CDH3: variants seen among roughly 807,000 people sequenced by gnomAD.
CDH3 encodes the protein cadherin-3.
A neutral mutation model predicts 82.0 loss-of-function variants in CDH3; 54 were observed. The ratio of observed to expected loss-of-function variants is 0.66; its 90% CI spans 0.53 to 0.83. CDH3 has a LOEUF of 0.83. Ranked by LOEUF, CDH3 falls within the 40% of genes least tolerant of loss-of-function variation. The probability of loss-of-function intolerance (pLI) is 0.00; values close to 1 mark genes in which losing one functional copy is unlikely to be tolerated. For synonymous variants in CDH3, 446 were observed against 437.9 expected (o/e 1.02, Z -0.23); for missense variants, 1,054 against 1,084.6 (o/e 0.97, Z 0.40).
rs780814811 is a variant in CDH3, at chr16:68,695,748, G to A, written c.2134-29G>A. ...GGGGAGTGGGGGACAGGAGTCCTCA[G>A]TCACCTGCTCTCCTGCATTTCCCCA... On this transcript the variant is annotated intron_variant, in intron 14 of 15. Transcript: ENST00000264012. 6.8e-6 allele frequency: 11 copies of A among 1,613,564 alleles called. No individual in the cohort carries two copies. The East Asian group carries it at 2.5e-4, about 36-fold the overall frequency.
At chr16:68,733,170 G>T in the CDH3 span, among the ~76,000 whole-genome samples, 1 of 152,194 alleles carries the variant, frequency 6.6e-6, no homozygotes, top group Non-Finnish European at 1.5e-5. Context: ...TCAACTAATG[G>T]CAGAGCCAGA....
At chr16:68,731,711 C>T (rs942098608), downstream of CDH3, among the ~76,000 whole-genome samples, 4 of 151,476 alleles carry the variant, frequency 2.6e-5, no homozygotes, top group African/African-American at 9.7e-5. Context: ...GTGGCTCATG[C>T]CTGCCTTCTC....
chr16:68,703,609 C>T (rs12920562), downstream of CDH3, among the ~76,000 whole-genome samples: 38,552 of 152,182 alleles, frequency 0.25, 4,975 homozygotes, highest in Admixed American at 0.29. Context: ...GCATGAGGCC[C>T]TGGACAAACC....
At chr16:68,724,643 A>G (rs1414205855) in intron 2 of CDH3, among the ~76,000 whole-genome samples, 2 of 139,950 alleles carry the variant, frequency 1.4e-5, no homozygotes, top group East Asian at 2.1e-4. Flanking sequence ...AAAAAAAAAA[A>G]TGGTCTCGAG....
At chr16:68,647,954 A>C (rs1258900213) in intron 2 of CDH3, among the ~76,000 whole-genome samples, 1 of 152,296 alleles carries the variant, frequency 6.6e-6, no homozygotes, top group African/African-American at 2.4e-5. Flanking sequence ...AAGGGTGTCT[A>C]TGAAGTTCAG....
chr16:68,645,656 G>A lies in CDH3; in HGVS notation c.66G>A (p.Ala22=), dbSNP rs1960033693. ...LLLQVCWLQC[A]ASEPCRAVFR... The stretch of plus-strand genomic sequence containing the variant: ...CGCAGGTTTGCTGGCTGCAGTGCGC[G>A]GCCTCCGAGCCGTGCCGGGCGGTCT... Residue 22 remains alanine, a synonymous_variant, in exon 2 of 16, where the codon GCG becomes GCA. Coordinates refer to ENST00000264012, the MANE Select transcript of CDH3 (RefSeq NM_001793.6). The A allele has an allele frequency of 1.3e-6, 2 of 1,543,052 alleles. No individual in the cohort carries two copies. The highest frequency in any genetic ancestry group is 2.2e-4 in the Middle Eastern group (1 of 4,636).
At chr16:68,726,327 C>T (rs891525016) in intron 2 of CDH3, among the ~76,000 whole-genome samples, 1 of 152,134 alleles carries the variant, frequency 6.6e-6, no homozygotes. Context: ...GTCATGGGAG[C>T]TCTTGCTGGG....
chr16:68,648,183 C>T (rs1394247192), intron 2 of CDH3, among the ~76,000 whole-genome samples: 1 of 152,144 alleles, frequency 6.6e-6, no homozygotes, highest in Non-Finnish European at 1.5e-5. Flanking sequence ...GAAACAGAGG[C>T]ACAGCTTAAC....
intron 12 of CDH3, 103 bp from the exon 13 acceptor site, chr16:68,691,617 C>G: frequency 5.7e-6 from 5 of 877,396 alleles, no homozygotes; most frequent in South Asian, 5.3e-5. Context: ...TATTTCTCTG[C>G]ATTGCCCACA....
intron 2 of CDH3, among the ~76,000 whole-genome samples, chr16:68,659,412 A>T (rs529278141): frequency 1.4e-3 from 211 of 152,168 alleles, no homozygotes; most frequent in Admixed American, 2.2e-3. Flanking sequence ...TCTACAAAAA[A>T]TACAAAAATT....
intron 1 of CDH3, among the ~76,000 whole-genome samples, chr16:68,715,359 G>A (rs1053928522): frequency 6.6e-6 from 1 of 151,182 alleles, no homozygotes; most frequent in Admixed American, 6.7e-5. Context: ...CCTGGGAGAC[G>A]GAGGTTGCAG....
chr16:68,729,550 G>A (rs1020216124), downstream of CDH3, among the ~76,000 whole-genome samples: 1 of 152,138 alleles, frequency 6.6e-6, no homozygotes, highest in African/African-American at 2.4e-5. Context: ...AAAAAGGGAT[G>A]GAGAAGCTTA....
rs2152109578 is a variant in CDH3 at position 68,707,490 on chromosome 16, G to A, written c.99+11567G>A. On this transcript the variant is annotated intron_variant, in intron 1 of 2. Transcript: ENST00000569080. The surrounding 1 kb of genome is among the most constrained non-coding windows in gnomAD (Gnocchi z 4.5). ...GTCGGGGCCTGTGGGCAGCTGCAGA[G>A]CTGGCAGGCGGGAGCTAGGAGATTC... 6.6e-6 allele frequency among the ~76,000 whole-genome samples: 1 copy of A among 152,316 alleles called. No individual in the cohort carries two copies. Among genetic ancestry groups the A allele is most frequent in the East Asian group, 1.9e-4 (1 of 5,184 alleles).
intron 2 of CDH3, among the ~76,000 whole-genome samples, chr16:68,649,892 G>C (rs1396705293): frequency 6.6e-6 from 1 of 152,134 alleles, no homozygotes; most frequent in Non-Finnish European, 1.5e-5. Flanking sequence ...AAATTAGCTG[G>C]GTGTGATGGT....
At chr16:68,650,300 T>A (rs905070342) in intron 2 of CDH3, among the ~76,000 whole-genome samples, 4 of 151,810 alleles carry the variant, frequency 2.6e-5, no homozygotes, top group Admixed American at 6.6e-5. Context: ...GGGGAAAAAA[T>A]ATATATATTT....
chr16:68,706,319 G>A (rs80102193), intron 1 of CDH3, among the ~76,000 whole-genome samples: 4,053 of 151,644 alleles, frequency 0.027, 182 homozygotes, highest in African/African-American at 0.092. Flanking sequence ...CAGGAGCAGC[G>A]GCCAGTGCCC....
chr16:68,683,807 C>CCTGTA (rs759720366), intron 9 of CDH3, among the ~76,000 whole-genome samples: 2 of 151,762 alleles, frequency 1.3e-5, no homozygotes, highest in Non-Finnish European at 2.9e-5. Context: ...ATTGCTCATG[C>CCTGTA]CTGTAATCCT....
chr16:68,677,636 G>A (rs894473710), intron 3 of CDH3, among the ~76,000 whole-genome samples: 2 of 152,312 alleles, frequency 1.3e-5, no homozygotes, highest in Admixed American at 1.3e-4. Flanking sequence ...TACTCAGGAG[G>A]CTGAGGCAGG....
At chr16:68,682,117 A>G (rs1233234537) in intron 8 of CDH3, among the ~76,000 whole-genome samples, 185 bp from the exon 9 acceptor site, 1 of 151,226 alleles carries the variant, frequency 6.6e-6, no homozygotes, top group Non-Finnish European at 1.5e-5. Context: ...CTGTGCCAGC[A>G]GCTGTGAGGC....
Sources: allele counts gnomAD v4.1 joint callset (sites outside exome capture counted in the v4.1 genomes callset), GRCh38; gene constraint gnomAD v4.1.1; non-coding constraint Gnocchi (gnomAD v3.1); transcripts MANE v1.5; gene names NCBI Gene and HGNC (gene_info 2026-07-23, HGNC 2026-07-21).